Variants in MSH4 observed in about 807,000 individuals in gnomAD.
MSH4 encodes the protein mutS homolog 4.
Under a neutral mutation model 113.7 loss-of-function variants are expected in MSH4, and 106 were observed. The ratio of observed to expected loss-of-function variants is 0.93; its 90% CI spans 0.80 to 1.10. The LOEUF (loss-of-function observed/expected upper bound fraction) is 1.10. MSH4 is among the 50% of genes least tolerant of loss of function. The pLI, the probability that MSH4 is intolerant of heterozygous loss-of-function variation, is 0.00. For missense variants in MSH4, 1,061 were observed against 1,093.7 expected, an observed-to-expected ratio of 0.97 and a Z score of 0.42; for synonymous variants, 368 against 380.2, an observed-to-expected ratio of 0.97 and a Z score of 0.37.
intron 8 of MSH4, among the ~76,000 whole-genome samples, chr1:75,851,918 TTTAA>T (rs1431410887): frequency 1.3e-5 from 2 of 152,200 alleles, no homozygotes; most frequent in African/African-American, 4.8e-5. Flanking sequence ...AAGCCTACAA[TTTAA>T]TTGTCTTTAA....
chr1:75,903,737 G>T (rs11161852), intron 19 of MSH4, among the ~76,000 whole-genome samples: 1 of 151,770 alleles, frequency 6.6e-6, no homozygotes, highest in Non-Finnish European at 1.5e-5. Context: ...CACTATTGAC[G>T]TATACAAATG....
intron 7 of MSH4, among the ~76,000 whole-genome samples, chr1:75,847,745 G>C (rs746511440): frequency 1.5e-4 from 23 of 152,160 alleles, no homozygotes; most frequent in Non-Finnish European, 2.4e-4. Context: ...CTAACAACCT[G>C]TTCTTGTGTG....
At chr1:75,803,293 C>A (rs5745320) in intron 1 of MSH4, among the ~76,000 whole-genome samples, 31 of 152,112 alleles carry the variant, frequency 2.0e-4, no homozygotes, top group African/African-American at 7.2e-4. Flanking sequence ...TGTTTATTTT[C>A]AAAAATCATT....
chr1:75,893,570 A>C (rs1404380445), intron 17 of MSH4, among the ~76,000 whole-genome samples: 2 of 152,228 alleles, frequency 1.3e-5, no homozygotes, highest in Non-Finnish European at 2.9e-5. Context: ...CTGTAATGGC[A>C]TCCCAGCCAA....
At chr1:75,889,473 A>T (rs1162919767) in intron 16 of MSH4, 104 bp downstream of exon 16, 6 of 538,422 alleles carry the variant, frequency 1.1e-5, no homozygotes, top group Non-Finnish European at 2.0e-5. Context: ...GATGTTGCTT[A>T]TACCCTTTTC....
intron 8 of MSH4, among the ~76,000 whole-genome samples, chr1:75,850,383 T>G (rs1651159062): frequency 6.6e-6 from 1 of 152,156 alleles, no homozygotes; most frequent in African/African-American, 2.4e-5. Flanking sequence ...GTCAAAACAC[T>G]TTCTAATTTC....
At chr1:75,820,072 CT>C (rs201133900) in intron 6 of MSH4, among the ~76,000 whole-genome samples, 8,827 of 142,706 alleles carry the variant, frequency 0.062, 461 homozygotes, top group African/African-American at 0.14. Flanking sequence ...ATGAAATTGT[CT>C]TGTACTTGTC....
In MSH4 at chr1:75,913,143, AT is replaced by A. The variant is rs1652825129; in HGVS notation, c.*258del. 5.1e-6 allele frequency: 1 copy of A among 197,512 alleles called. No homozygotes were observed. The highest frequency in any genetic ancestry group is 6.0e-5 in the Admixed American group (1 of 16,666). 12.2% of individuals were successfully genotyped at this position (197,512 alleles called of 1,614,324 possible). A position where few individuals can be genotyped will look rare whatever the true frequency, so the allele number is the denominator to read the frequency against. On this transcript the variant is annotated 3_prime_UTR_variant, in exon 20 of 20. Transcript: ENST00000263187. ...CCACTTTTTTCTCACAAAAATTCAC[AT>A]TATTAAGACCTAAGTTCATTTATAC... is the stretch of plus-strand genomic sequence containing the variant.
chr1:75,796,964 G>C lies in MSH4; in HGVS notation c.-22G>C, dbSNP rs367642206. The stretch of plus-strand genomic sequence containing the variant: ...GTCGCTCAGAAACCTCATACTTCTC[G>C]GGTCAGGGAAGGTTTGGGAGGATGC... On this transcript the variant is annotated 5_prime_UTR_variant, in exon 1 of 20. Coordinates refer to ENST00000263187, the MANE Select transcript of MSH4 (RefSeq NM_002440.4). 6.2e-7 allele frequency: 1 copy of C among 1,612,734 alleles called. No homozygotes were observed. Among genetic ancestry groups the C allele is most frequent in the Admixed American group, 1.7e-5 (1 of 59,976 alleles).
intron 9 of MSH4, among the ~76,000 whole-genome samples, chr1:75,872,281 T>G (rs890516279): frequency 2.0e-5 from 3 of 152,220 alleles, no homozygotes; most frequent in African/African-American, 7.2e-5. Context: ...AAGACTGATG[T>G]GCATTACTGT....
intron 17 of MSH4, among the ~76,000 whole-genome samples, chr1:75,891,830 TA>T (rs978004972): frequency 1.3e-5 from 2 of 152,226 alleles, no homozygotes; most frequent in Non-Finnish European, 2.9e-5. Context: ...GTAATGGTAA[TA>T]AATAATATTA....
intron 11 of MSH4, 70 bp from the exon 12 acceptor site, chr1:75,878,922 C>G: frequency 7.6e-7 from 1 of 1,317,334 alleles, no homozygotes. Flanking sequence ...CTCTTTAAAA[C>G]AGAGTGATTT....
intron 1 of MSH4, among the ~76,000 whole-genome samples, chr1:75,801,568 CAAAA>C (rs35300428): frequency 8.9e-6 from 1 of 112,774 alleles, no homozygotes; most frequent in Admixed American, 9.4e-5. Flanking sequence ...AACTCCATCT[CAAAA>C]AAAAAAAAAA....
chr1:75,884,879 C>T (rs575404707), intron 15 of MSH4, among the ~76,000 whole-genome samples: 2 of 151,510 alleles, frequency 1.3e-5, no homozygotes, highest in South Asian at 2.1e-4. Context: ...TAATTTCCTT[C>T]GCCTTATAAG....
intron 8 of MSH4, among the ~76,000 whole-genome samples, chr1:75,854,009 G>GTATATATATATATATATATATA (rs1401266837): frequency 2.0e-5 from 1 of 50,668 alleles, no homozygotes; most frequent in African/African-American, 5.3e-5. Context: ...ATAAGTGTGT[G>GTATATATATATATATATATATA]TGTGTATATA....
At chr1:75,905,835 G>C (rs1432345351) in intron 19 of MSH4, among the ~76,000 whole-genome samples, 2 of 151,948 alleles carry the variant, frequency 1.3e-5, no homozygotes, top group African/African-American at 4.8e-5. Context: ...TCTTTGACTT[G>C]AAGTCTATCT....
intron 1 of MSH4, among the ~76,000 whole-genome samples, chr1:75,802,001 T>C (rs1354238519): frequency 6.6e-6 from 1 of 151,810 alleles, no homozygotes; most frequent in Admixed American, 6.6e-5. Flanking sequence ...AAACCCCATC[T>C]CTACAAAAAT....
rs181496527 is a variant in MSH4 at position 75,816,130 on chromosome 1, G to A, written c.816-243G>A. 2.3e-4 allele frequency among the ~76,000 whole-genome samples: 35 copies of A among 152,110 alleles called. 1 individual carries two copies. The highest frequency in any genetic ancestry group is 4.6e-4 in the Non-Finnish European group (31 of 67,998). On this transcript the variant is annotated intron_variant, in intron 5 of 19. Transcript: ENST00000263187. ...GTTACCTCCTAACACAGGATTTATC[G>A]GAATTTAAAGTCCCTTAAGTGTCAG...
At chr1:75,869,353 G>A (rs11161785) in intron 9 of MSH4, among the ~76,000 whole-genome samples, 146,641 of 152,246 alleles carry the variant, frequency 0.96, 70,869 homozygotes, top group East Asian at 1. Flanking sequence ...TGAGGATACA[G>A]TAGAAAAGAA....
Sources: gnomAD v4.1 joint callset for allele counts (sites outside exome capture counted in the v4.1 genomes callset) on GRCh38, gnomAD v4.1.1 for gene constraint, MANE v1.5 for transcripts, NCBI Gene and HGNC (gene_info 2026-07-23, HGNC 2026-07-21) for gene names.